Variants in MPHOSPH9 observed in about 807,000 individuals in gnomAD.
The protein encoded by MPHOSPH9 is M-phase phosphoprotein 9.
Under a neutral mutation model 145.5 loss-of-function variants are expected in MPHOSPH9, and 88 were observed. The ratio of observed to expected loss-of-function variants is 0.60; its 90% confidence interval spans 0.51 to 0.72. The LOEUF is 0.72. Among genes scored for constraint, MPHOSPH9 ranks in the 30% least tolerant of loss-of-function variants. MPHOSPH9 has a pLI of 0.00. For synonymous variants in MPHOSPH9, 435 were observed against 486.2 expected, an observed-to-expected ratio of 0.89 and a Z score of 1.39; for missense variants, 1,238 against 1,386.6, an observed-to-expected ratio of 0.89 and a Z score of 1.70.
At chr12:123,224,110 T>TTTTATATATATATATATA (rs1555231852) in intron 3 of MPHOSPH9, among the ~76,000 whole-genome samples, 12 of 120,408 alleles carry the variant, frequency 1.0e-4, no homozygotes, top group East Asian at 5.8e-4. Context: ...AATTGCTAAT[T>TTTTATATATATATATATA]TATATATATA....
intron 13 of MPHOSPH9, 106 bp from the exon 14 acceptor site, chr12:123,181,316 G>C: frequency 1.1e-6 from 1 of 874,160 alleles, no homozygotes; most frequent in Admixed American, 2.4e-5. Flanking sequence ...AAATGCCAAT[G>C]TCATGAAAGA....
At chr12:123,238,287 G>A (rs548043591) in intron 1 of MPHOSPH9, among the ~76,000 whole-genome samples, 25 of 152,098 alleles carry the variant, frequency 1.6e-4, no homozygotes, top group Admixed American at 2.0e-4. Flanking sequence ...CCTGCTGGCC[G>A]TTTTGTCTTT....
chr12:123,181,396 T>TC (rs1283149348), intron 13 of MPHOSPH9, among the ~76,000 whole-genome samples, 186 bp from the exon 14 acceptor site: 3 of 152,140 alleles, frequency 2.0e-5, no homozygotes, highest in Non-Finnish European at 4.4e-5. Flanking sequence ...TGGAATGGTT[T>TC]CTGTACATTT....
chr12:123,239,097 C>T (rs2047892262), intron 1 of MPHOSPH9, among the ~76,000 whole-genome samples: 1 of 152,224 alleles, frequency 6.6e-6, no homozygotes, highest in East Asian at 1.9e-4. Flanking sequence ...GGTGAAACCC[C>T]GTCTCTACAA....
chr12:123,176,460 G>A (rs2044868238), intron 16 of MPHOSPH9, among the ~76,000 whole-genome samples: 1 of 152,132 alleles, frequency 6.6e-6, no homozygotes, highest in African/African-American at 2.4e-5. Context: ...GCTGGGCAAA[G>A]AACAAAATAC....
intron 1 of MPHOSPH9, among the ~76,000 whole-genome samples, chr12:123,232,367 T>C (rs894910549): frequency 6.6e-6 from 1 of 151,754 alleles, no homozygotes; most frequent in African/African-American, 2.4e-5. Flanking sequence ...CACCCACAAA[T>C]ACAATGCAAA....
chr12:123,232,726 C>T (rs2047711932), intron 1 of MPHOSPH9, among the ~76,000 whole-genome samples: 1 of 152,118 alleles, frequency 6.6e-6, no homozygotes, highest in Non-Finnish European at 1.5e-5. Context: ...GGAGAAAAGC[C>T]ACCGCTCCTG....
chr12:123,231,156 C>A (rs952910654), intron 1 of MPHOSPH9, among the ~76,000 whole-genome samples: 6 of 151,870 alleles, frequency 4.0e-5, no homozygotes, highest in Admixed American at 3.9e-4. Context: ...AATCAAGGTT[C>A]TTTTTTTTAG....
chr12:123,210,509 G>A (rs190152652), intron 7 of MPHOSPH9, among the ~76,000 whole-genome samples: 14 of 151,914 alleles, frequency 9.2e-5, no homozygotes, highest in African/African-American at 3.1e-4. Context: ...CCTGGCCAAC[G>A]TGGTGAAGCC....
At position 123,181,198 on chromosome 12, in the gene MPHOSPH9, A is replaced by C; in HGVS notation, c.2254T>G (p.Tyr752Asp). 1 of 1,611,788 alleles carries C rather than the reference A, an allele frequency of 6.2e-7. No homozygotes were observed. Among genetic ancestry groups the C allele is most frequent in the Non-Finnish European group, 8.5e-7 (1 of 1,178,436 alleles). Residue 752 changes from tyrosine (Y) to aspartate (D), a missense_variant, in exon 14 of 24, where the codon TAT becomes GAT. By Grantham distance (160) the Tyr-to-Asp change is radical. Transcript: ENST00000606320. Reference protein sequence around the residue: ...NKMFQDLLGEYESLGKEHRRV... With the variant: ...NKMFQDLLGEDESLGKEHRRV... ...CTGTGTTCTTTTCCAAGGGACTCAT[A>C]CTCTCCTAAAAGCTACAAGGAAAAA...
chr12:123,236,592 CAAA>C (rs113568323), upstream of MPHOSPH9, among the ~76,000 whole-genome samples: 1 of 105,912 alleles, frequency 9.4e-6, no homozygotes, highest in Non-Finnish European at 2.0e-5. Context: ...GACCCTGTCT[CAAA>C]AAAAAAAAAA....
At chr12:123,210,777 G>A (rs1266430851) in intron 7 of MPHOSPH9, among the ~76,000 whole-genome samples, 2 of 151,818 alleles carry the variant, frequency 1.3e-5, no homozygotes, top group Admixed American at 6.6e-5. Context: ...GGAGTGCAGT[G>A]GTGCCATCTC....
chr12:123,194,564 G>C lies in MPHOSPH9; in HGVS notation c.2063C>G (p.Ala688Gly). The change falls in exon 13 of 24, where the codon GCT becomes GGT. Residue 688 changes from alanine (A) to glycine (G), a missense_variant. By Grantham distance (60) the Ala-to-Gly change is moderately conservative. Coordinates refer to ENST00000606320, the MANE Select transcript of MPHOSPH9 (RefSeq NM_022782.4). The part of the protein sequence containing the change: ...LRERFSAASS[A>G]SKILQERIEE... The stretch of plus-strand genomic sequence containing the variant: ...AATTCGTTCCTGCAAAATTTTGGAA[G>C]CACTGCTGGCTGCACTGAAGCGTTC... The C allele has an allele frequency of 1.9e-6, 3 of 1,611,762 alleles. No homozygotes were observed. The highest frequency in any genetic ancestry group is 2.5e-6 in the Non-Finnish European group (3 of 1,179,722).
At position 123,230,352 on chromosome 12, in the gene MPHOSPH9, C is replaced by A; in HGVS notation, c.13G>T (p.Asp5Tyr). MEEF[D>Y]LVKTLHKTSS... ...GTTTTGTGTAAGGTTTTCACCAAGT[C>A]AAACTCTTCCATAGTGTACAGAAAT... The change falls in exon 2 of 24, where the codon GAC (aspartate) becomes TAC (tyrosine). Residue 5 changes from aspartate to tyrosine, a missense_variant. By Grantham distance (160) the Asp-to-Tyr change is radical (BLOSUM62 -3). Coordinates refer to ENST00000606320, the MANE Select transcript of MPHOSPH9 (RefSeq NM_022782.4). 6.6e-7 allele frequency: 1 copy of A among 1,525,042 alleles called. No homozygotes were observed. The highest frequency in any genetic ancestry group is 1.2e-5 in the South Asian group (1 of 83,576). The allele number at this position is 1,525,042 out of a possible 1,614,324, so 94.5% of individuals were successfully genotyped here.
intron 16 of MPHOSPH9, among the ~76,000 whole-genome samples, chr12:123,173,607 T>G (rs902927921): frequency 1.3e-5 from 2 of 152,062 alleles, no homozygotes; most frequent in Non-Finnish European, 2.9e-5. Context: ...TCGTCCAAGC[T>G]TCAATCAGGC....
chr12:123,182,389 G>T (rs1162029052), intron 13 of MPHOSPH9, among the ~76,000 whole-genome samples: 2 of 151,144 alleles, frequency 1.3e-5, no homozygotes, highest in African/African-American at 4.9e-5. Context: ...AAGTAGCTGG[G>T]ATTACAGGCG....
chr12:123,219,369 C>T (rs181910190), intron 5 of MPHOSPH9, among the ~76,000 whole-genome samples: 1 of 149,588 alleles, frequency 6.7e-6, no homozygotes, highest in African/African-American at 2.5e-5. Flanking sequence ...GAGGCTGAGG[C>T]GGGTGGATCA....
intron 13 of MPHOSPH9, among the ~76,000 whole-genome samples, chr12:123,188,308 T>C (rs1593136355): frequency 6.6e-6 from 1 of 152,024 alleles, no homozygotes; most frequent in Admixed American, 6.6e-5. Context: ...GGCAGGAAAA[T>C]AAACTGGTAC....
chr12:123,240,016 A>G (rs956469039), intron 1 of MPHOSPH9, among the ~76,000 whole-genome samples: 2 of 152,066 alleles, frequency 1.3e-5, no homozygotes, highest in African/African-American at 2.4e-5. Flanking sequence ...TAGCCTTGCC[A>G]TGGGGTGTGG....
Sources: gnomAD v4.1 joint callset for allele counts (sites outside exome capture counted in the v4.1 genomes callset) on GRCh38, gnomAD v4.1.1 for gene constraint, MANE v1.5 for transcripts, NCBI Gene and HGNC (gene_info 2026-07-23, HGNC 2026-07-21) for gene names.